The following CELF2 variants were observed in gnomAD, a reference collection of about 807,000 sequenced individuals.
The protein encoded by CELF2 is CUGBP Elav-like family member 2, also known as CUG triplet repeat RNA-binding protein 2.
In CELF2, 8 loss-of-function variants were observed where a neutral mutation model predicts 62.6. The ratio of observed to expected loss-of-function variants is 0.13; its 90% confidence interval spans 0.07 to 0.23. The LOEUF (loss-of-function observed/expected upper bound fraction) is 0.23, where lower values mean the gene tolerates loss of function less well. Among genes scored for constraint, CELF2 ranks in the 10% least tolerant of loss-of-function variants. CELF2 has a pLI of 1.00. For missense variants in CELF2, 333 were observed against 671.0 expected (o/e 0.50, Z 5.56); for synonymous variants, 258 against 250.0 (o/e 1.03, Z -0.30).
At chr10:11,257,580 C>T (rs2079194142) in intron 4 of CELF2, 158 bp from the exon 5 acceptor site, 1 of 663,096 alleles carries the variant, frequency 1.5e-6, no homozygotes, top group Non-Finnish European at 2.5e-6. Context: ...GGGTGGGGCG[C>T]ATGGAGGGAG....
the CELF2 span, among the ~76,000 whole-genome samples, chr10:10,706,054 A>G: frequency 4.6e-5 from 7 of 152,142 alleles, no homozygotes; most frequent in African/African-American, 9.7e-5. Context: ...TAACTTGCCA[A>G]TTACACAAGG....
At chr10:10,734,033 C>T in the CELF2 span, among the ~76,000 whole-genome samples, 10 of 152,038 alleles carry the variant, frequency 6.6e-5, no homozygotes, top group South Asian at 2.1e-4. Flanking sequence ...AAATAGCATA[C>T]GTATATCAAT....
chr10:10,496,214 A>T, the CELF2 span, among the ~76,000 whole-genome samples: 1 of 152,236 alleles, frequency 6.6e-6, no homozygotes, highest in Non-Finnish European at 1.5e-5. Flanking sequence ...CTGAACTCTT[A>T]TAAGCCACAC....
chr10:10,937,652 T>A (rs2046574740), intron 2 of CELF2: 1 of 152,202 alleles, frequency 6.6e-6, no homozygotes, highest in African/African-American at 2.4e-5. Flanking sequence ...AATCAAGATT[T>A]GACTTTCAAT....
At chr10:10,705,171 G>T in the CELF2 span, among the ~76,000 whole-genome samples, 1 of 152,126 alleles carries the variant, frequency 6.6e-6, no homozygotes, top group Non-Finnish European at 1.5e-5. Context: ...GGGCAACAGA[G>T]CTAGACCTTA....
At chr10:10,463,978 T>G in the CELF2 span, among the ~76,000 whole-genome samples, 1 of 149,500 alleles carries the variant, frequency 6.7e-6, no homozygotes, top group Non-Finnish European at 1.5e-5. Flanking sequence ...AAAAAACTCC[T>G]ATGGATTTTG....
In CELF2 at chr10:10,936,668, G is replaced by A. The variant is rs912463955; in HGVS notation, c.89+16669G>A. ...GGTAACTTGTATCCCCCATCCCTGG[G>A]GACAAAATCTTCATTTCTAGCGTTT... On this transcript the variant is annotated intron_variant, in intron 2 of 13. Coordinates refer to the CELF2 transcript ENST00000636488. This position sits in a 1 kb window ranked among gnomAD's most constrained non-coding sequence, Gnocchi z 4.0. 3.3e-5 allele frequency: 5 copies of A among 152,084 alleles called. No individual in the cohort carries two copies. Among genetic ancestry groups the A allele is most frequent in the African/African-American group, 1.2e-4 (5 of 41,400 alleles). The allele number at this position is 152,084 out of a possible 1,614,324, so 9.4% of individuals were successfully genotyped here.
the CELF2 span, among the ~76,000 whole-genome samples, chr10:10,792,804 C>T: frequency 6.6e-6 from 1 of 152,026 alleles, no homozygotes; most frequent in African/African-American, 2.4e-5. Context: ...TCTTTTTTCC[C>T]CCCTACTGTA....
At chr10:10,907,313 TAAAATG>T (rs2063431084) in intron 1 of CELF2, among the ~76,000 whole-genome samples, 1 of 152,228 alleles carries the variant, frequency 6.6e-6, no homozygotes, top group Non-Finnish European at 1.5e-5. Context: ...ATTTGACAGT[TAAAATG>T]AAAATTGTTC....
At chr10:10,734,591 C>A in the CELF2 span, among the ~76,000 whole-genome samples, 15 of 152,158 alleles carry the variant, frequency 9.9e-5, no homozygotes, top group African/African-American at 3.6e-4. Context: ...AGCTGTGAAA[C>A]AACTAATTGC....
At chr10:11,228,823 G>A (rs2067548552) in intron 3 of CELF2, among the ~76,000 whole-genome samples, 1 of 151,170 alleles carries the variant, frequency 6.6e-6, no homozygotes, top group African/African-American at 2.4e-5. Context: ...GAGTTACCAA[G>A]ATTTTAAAAA....
chr10:10,732,009 G>GACC, the CELF2 span, among the ~76,000 whole-genome samples: 1 of 152,022 alleles, frequency 6.6e-6, no homozygotes, highest in Non-Finnish European at 1.5e-5. Flanking sequence ...GATACTAGCA[G>GACC]ACCACCAGAT....
intron 1 of CELF2, among the ~76,000 whole-genome samples, chr10:11,152,974 T>A (rs1349597342): frequency 6.6e-6 from 1 of 152,188 alleles, no homozygotes; most frequent in Admixed American, 6.5e-5. Context: ...TCTTCCACGG[T>A]CAGACTTAGC....
chr10:11,212,955 A>G (rs890334984), intron 2 of CELF2, among the ~76,000 whole-genome samples: 4 of 152,154 alleles, frequency 2.6e-5, no homozygotes, highest in Non-Finnish European at 4.4e-5. Context: ...GATAGTGTCA[A>G]ATGAGCAAAG....
chr10:11,288,900 T>C (rs1476616923), intron 9 of CELF2, among the ~76,000 whole-genome samples: 1 of 152,158 alleles, frequency 6.6e-6, no homozygotes, highest in Non-Finnish European at 1.5e-5. Flanking sequence ...CCTGCCCTTT[T>C]CCAAAAAATA....
At chr10:10,654,210 A>G in the CELF2 span, among the ~76,000 whole-genome samples, 1 of 128,272 alleles carries the variant, frequency 7.8e-6, no homozygotes, top group African/African-American at 2.9e-5. Context: ...AGGAGCTGAA[A>G]TTGTGGCAAT....
chr10:10,549,445 G>A, the CELF2 span, among the ~76,000 whole-genome samples: 3 of 152,120 alleles, frequency 2.0e-5, no homozygotes, highest in African/African-American at 4.8e-5. Flanking sequence ...CACCACGCCT[G>A]GATAATTTTT....
chr10:11,001,365 C>T (rs984361388), upstream of CELF2, among the ~76,000 whole-genome samples: 2 of 152,150 alleles, frequency 1.3e-5, no homozygotes, highest in Non-Finnish European at 2.9e-5. Context: ...TTCTGTCAGG[C>T]TCTGGCATAT....
At position 10,924,724 on chromosome 10, in the gene CELF2, C is replaced by CT. The variant is rs745848953; in HGVS notation, c.89+4743dup. 6.0e-3 allele frequency among the ~76,000 whole-genome samples: 537 copies of CT among 89,134 alleles called. 26 individuals carry two copies. Among genetic ancestry groups the CT allele is most frequent in the African/African-American group, 0.015 (315 of 21,144 alleles). The allele number at this position is 89,134 out of a possible 152,430, so 58.5% of individuals were successfully genotyped here. ...GTATATTAATCCAGTAACTTGATCG[C>CT]TTTTTTTTTTTTTTTTTTGCCTTCT... is the stretch of plus-strand genomic sequence containing the variant. On this transcript the variant is annotated intron_variant, in intron 2 of 13. Coordinates refer to the CELF2 transcript ENST00000636488.
Sources: gnomAD v4.1 joint callset for allele counts (sites outside exome capture counted in the v4.1 genomes callset) on GRCh38, gnomAD v4.1.1 for gene constraint, Gnocchi (gnomAD v3.1) non-coding constraint, MANE v1.5 for transcripts, NCBI Gene and HGNC (gene_info 2026-07-23, HGNC 2026-07-21) for gene names.